ZNF665: variants seen among roughly 807,000 people sequenced by gnomAD.
ZNF665 encodes zinc finger protein 665.
Under a neutral mutation model 7.9 loss-of-function variants are expected in ZNF665, and 6 were observed. The observed-to-expected ratio is 0.76, with a 90% confidence interval of 0.42 to 1.50. The LOEUF (loss-of-function observed/expected upper bound fraction) is 1.50. Ranked by LOEUF, ZNF665 falls within the 40% of genes most tolerant of loss-of-function variation. The pLI is 0.01. For synonymous variants in ZNF665, 242 were observed against 274.5 expected, an observed-to-expected ratio of 0.88 and a Z score of 1.17; for missense variants, 819 against 806.7, an observed-to-expected ratio of 1.02 and a Z score of -0.18.
At chr19:53,184,228 C>T (rs934478268) in intron 1 of ZNF665, among the ~76,000 whole-genome samples, 6 of 151,818 alleles carry the variant, frequency 4.0e-5, no homozygotes, top group East Asian at 3.9e-4. Flanking sequence ...CCAGCATGGG[C>T]GACAGAGCGA....
chr19:53,175,663 T>G, intron 2 of ZNF665, 92 bp from the exon 3 acceptor site: 1 of 1,432,780 alleles, frequency 7.0e-7, no homozygotes, highest in Non-Finnish European at 9.5e-7. Context: ...AAGAATAGGT[T>G]CAATTCACGT....
Position 53,182,779 on chromosome 19 carries a change from AC to A in ZNF665, c.15+104del, listed in dbSNP as rs1185515868. ...GGAAGGCACGAGTGAGTGCGAGCAA[AC>A]CTGTCAGGCAGGATGCTTCAGACTC... On this transcript the variant is annotated intron_variant, in intron 2 of 3. Transcript: ENST00000396424. 2.3e-5 allele frequency: 36 copies of A among 1,569,830 alleles called. 1 individual carries two copies. The highest frequency in any genetic ancestry group is 5.0e-5 in the Admixed American group (3 of 59,772).
rs188225523 is a variant in ZNF665 at position 53,170,236 on chromosome 19, T to C, written c.143-3889A>G. Among the ~76,000 whole-genome samples, 35 of 152,182 alleles carry C rather than the reference T, an allele frequency of 2.3e-4. 1 individual carries two copies. In the East Asian group the frequency reaches 5.0e-3, roughly 22 times the overall value. ...TTAATGATTGCCATTCTAACTGGTG[T>C]GAGGAATGGAATATAACTTTTTTAA... On this transcript the variant is annotated intron_variant, in intron 3 of 3. Coordinates refer to ENST00000396424, the MANE Select transcript of ZNF665 (RefSeq NM_024733.5).
chr19:53,167,530 T>A (rs1374480632), intron 3 of ZNF665, among the ~76,000 whole-genome samples: 2 of 149,890 alleles, frequency 1.3e-5, no homozygotes, highest in Admixed American at 1.3e-4. Flanking sequence ...CACTGCAAGC[T>A]CCGCCTCCCG....
At chr19:53,182,827 G>C in intron 2 of ZNF665, 57 bp downstream of exon 2, 1 of 1,612,410 alleles carries the variant, frequency 6.2e-7, no homozygotes, top group Non-Finnish European at 8.5e-7. Context: ...CCAACTCCAA[G>C]GTCCAAGGTT....
rs570032463 is a variant in ZNF665 at position 53,166,860 on chromosome 19, CGAG to C, written c.143-516_143-514del. ...GAAAACAATAATAGCACTGAAAAAA[CGAG>C]GAGGAATTCAATTTTAAAATGTCAG... On this transcript the variant is annotated intron_variant, in intron 3 of 3. Coordinates refer to ENST00000396424, the MANE Select transcript of ZNF665 (RefSeq NM_024733.5). Among the ~76,000 whole-genome samples, 725 of 152,190 alleles carry C rather than the reference CGAG, an allele frequency of 4.8e-3. 4 individuals are homozygous for C. The highest frequency in any genetic ancestry group is 7.8e-3 in the Non-Finnish European group (528 of 68,016).
At chr19:53,175,716 A>G in intron 2 of ZNF665, 145 bp from the exon 3 acceptor site, 1 of 900,990 alleles carries the variant, frequency 1.1e-6, no homozygotes, top group Non-Finnish European at 1.6e-6. Context: ...GTACATACAG[A>G]TTTGATCTTC....
intron 3 of ZNF665, among the ~76,000 whole-genome samples, chr19:53,170,359 C>A (rs1476231608): frequency 6.6e-6 from 1 of 152,158 alleles, no homozygotes; most frequent in Non-Finnish European, 1.5e-5. Flanking sequence ...ATGATGGAAT[C>A]ACGCTTATTA....
rs1390949349 is a variant in ZNF665, at chr19:53,171,522, ATATTTT to A, written c.142+3917_142+3922del. Among the ~76,000 whole-genome samples the A allele has an allele frequency of 4.0e-5, 3 of 75,382 alleles. No individual in the cohort carries two copies. The Admixed American group carries it at 4.6e-4, about 12-fold the overall frequency. 49.5% of individuals were successfully genotyped at this position (75,382 alleles called of 152,430 possible). A position where few individuals can be genotyped will look rare whatever the true frequency, so the allele number is the denominator to read the frequency against. On this transcript the variant is annotated intron_variant, in intron 3 of 3. Transcript: ENST00000396424. The stretch of plus-strand genomic sequence containing the variant: ...TGTGTGTGTATATATATATATATAT[ATATTTT>A]TTTTTTTTTTTTCTTTTTTTAGACG...
chr19:53,180,852 A>T (rs1256046029), intron 2 of ZNF665: 1 of 152,188 alleles, frequency 6.6e-6, no homozygotes. Context: ...TTTCCAGTTA[A>T]ATTTAGATAT....
chr19:53,165,220 G>A lies in ZNF665; in HGVS notation c.1270C>T (p.His424Tyr). The A allele has an allele frequency of 6.2e-7, 1 of 1,614,132 alleles. No homozygotes were observed. Among genetic ancestry groups the A allele is most frequent in the Non-Finnish European group, 8.5e-7 (1 of 1,180,012 alleles). The change falls in exon 4 of 4, where the codon CAT (histidine) becomes TAT (tyrosine). Residue 424 changes from histidine to tyrosine, a missense_variant. Physicochemically the swap from His to Tyr is moderately conservative, Grantham distance 83 (BLOSUM62 2). Transcript: ENST00000396424. ...CACCTGTAAGGTTTCTCTCCAGTAT[G>A]AATTCTTCGATGATTTGCTAAGTGT... ...YSHLANHRRI[H>Y]TGEKPYRCDE...
chr19:53,175,567 T>A lies in ZNF665; in HGVS notation c.20A>T (p.Gln7Leu). ...TATGGCCACATCCTTGAATGTCAAC[T>A]GTCCCTAAAATGAAAAACACATTTC... Reference protein sequence around the residue: MALPQGQLTFKDVAIEF... With the variant: MALPQGLLTFKDVAIEF... Residue 7 changes from glutamine (Q) to leucine (L), a missense_variant, in exon 3 of 4, where the codon CAG becomes CTG. Coordinates refer to ENST00000396424, the MANE Select transcript of ZNF665 (RefSeq NM_024733.5). The A allele has an allele frequency of 2.5e-6, 4 of 1,597,996 alleles. No homozygotes were observed. Among genetic ancestry groups the A allele is most frequent in the Non-Finnish European group, 3.4e-6 (4 of 1,175,710 alleles).
rs543368305 is a variant in ZNF665 at position 53,166,306 on chromosome 19, C to T, written c.184G>A (p.Gly62Arg). 6.3e-7 allele frequency: 1 copy of T among 1,596,172 alleles called. No individual in the cohort carries two copies. Among genetic ancestry groups the T allele is most frequent in the African/African-American group, 1.3e-5 (1 of 74,270 alleles). ...AACGCTTCTCCCATATTGTTCTTCC[C>T]CTTTGGTGGCAAATCCGTGTTTACA... ...KCVNTDLPPKGKNNMGEAFYT... is the reference protein window; with the variant it reads ...KCVNTDLPPKRKNNMGEAFYT... Residue 62 changes from glycine to arginine, a missense_variant, in exon 4 of 4, where the codon GGG (glycine) becomes AGG (arginine). Physicochemically the swap from Gly to Arg is moderately radical, Grantham distance 125. Transcript: ENST00000396424.
intron 3 of ZNF665, among the ~76,000 whole-genome samples, chr19:53,166,855 A>G (rs1467864220): frequency 6.6e-6 from 1 of 152,190 alleles, no homozygotes; most frequent in Non-Finnish European, 1.5e-5. Flanking sequence ...ATAGCACTGA[A>G]AAAACGAGGA....
intron 2 of ZNF665, chr19:53,182,522 G>A (rs1198540383): frequency 6.3e-6 from 4 of 637,644 alleles, no homozygotes; most frequent in Non-Finnish European, 5.7e-6. Flanking sequence ...ACTAACATCT[G>A]ACTTCATAAC....
chr19:53,185,453 A>G (rs1032703931), intron 1 of ZNF665, among the ~76,000 whole-genome samples: 1 of 152,088 alleles, frequency 6.6e-6, no homozygotes, highest in Admixed American at 6.5e-5. Flanking sequence ...AGGGAGGATT[A>G]TTATAATATT....
chr19:53,182,758 G>C, intron 2 of ZNF665, 126 bp downstream of exon 2: 1 of 1,473,526 alleles, frequency 6.8e-7, no homozygotes, highest in Non-Finnish European at 9.5e-7. Flanking sequence ...ACTGAGGGAA[G>C]GCACGAGTGA....
chr19:53,163,381 G>A lies in ZNF665; in HGVS notation c.*1072C>T, dbSNP rs1245244593. The A allele has an allele frequency of 6.6e-6, 1 of 152,098 alleles. No individual in the cohort carries two copies. The highest frequency in any genetic ancestry group is 2.4e-5 in the African/African-American group (1 of 41,398). The allele number at this position is 152,098 out of a possible 1,614,324, so 9.4% of individuals were successfully genotyped here. On this transcript the variant is annotated 3_prime_UTR_variant, in exon 4 of 4. Transcript: ENST00000396424. ...CACAGTGCTCTTCTGTCAGAAGAAG[G>A]GCACCTGCAGTGCAATAAGGATGAT...
At chr19:53,183,086 G>C (rs1388987288) in intron 1 of ZNF665, 143 bp from the exon 2 acceptor site, 1 of 862,280 alleles carries the variant, frequency 1.2e-6, no homozygotes, top group Non-Finnish European at 1.9e-6. Flanking sequence ...ATGGTCCTCT[G>C]CTGCCCACTG....
Sources: allele counts gnomAD v4.1 joint callset (sites outside exome capture counted in the v4.1 genomes callset), GRCh38; gene constraint gnomAD v4.1.1; transcripts MANE v1.5; gene names NCBI Gene and HGNC (gene_info 2026-07-23, HGNC 2026-07-21).